RNF214: variants seen among roughly 807,000 people sequenced by gnomAD.
RNF214 encodes the protein ring finger protein 214.
A neutral mutation model predicts 75.9 loss-of-function variants in RNF214; 25 were observed. The ratio of observed to expected loss-of-function variants is 0.33; its 90% CI spans 0.24 to 0.46. The LOEUF is 0.46. Among genes scored for constraint, RNF214 ranks in the 20% least tolerant of loss-of-function variants. The probability of loss-of-function intolerance (pLI) is 1.00; values close to 1 mark genes in which losing one functional copy is unlikely to be tolerated. For missense variants in RNF214, 725 were observed against 857.5 expected (o/e 0.85, Z 1.93); for synonymous variants, 314 against 308.8 (o/e 1.02, Z -0.18).
intron 8 of RNF214, among the ~76,000 whole-genome samples, chr11:117,281,067 T>G (rs1474728575): frequency 6.8e-6 from 1 of 146,482 alleles, no homozygotes; most frequent in Non-Finnish European, 1.5e-5. Context: ...CTCCATCTCC[T>G]GAGCACAAGC....
intron 6 of RNF214, among the ~76,000 whole-genome samples, chr11:117,270,610 G>C (rs982985213): frequency 1.3e-5 from 2 of 150,882 alleles, no homozygotes; most frequent in Non-Finnish European, 2.9e-5. Flanking sequence ...ACCACACCCG[G>C]CTAATTTTTG....
chr11:117,244,375 G>A (rs907516075), intron 4 of RNF214, 70 bp from the exon 5 acceptor site: 2 of 1,316,458 alleles, frequency 1.5e-6, no homozygotes, highest in Admixed American at 3.7e-5. Flanking sequence ...ACAATGCCTT[G>A]GACAGGCACT....
chr11:117,259,655 T>TA (rs1450103995), intron 6 of RNF214, among the ~76,000 whole-genome samples: 23 of 152,248 alleles, frequency 1.5e-4, no homozygotes, highest in African/African-American at 5.3e-4. Context: ...ATTGTGGTTT[T>TA]AATATCCCTA....
In RNF214 at chr11:117,280,207, C is replaced by G. The variant is rs1177542734; in HGVS notation, c.1093C>G (p.Leu365Val). ...AGAGAGCCGGAAAGAGTTACTGGTACTGAAACTAGAAGAAGCAGAAAAAGA... is the reference window on the plus strand; with the variant it reads ...AGAGAGCCGGAAAGAGTTACTGGTAGTGAAACTAGAAGAAGCAGAAAAAGA... The part of the protein sequence containing the change: ...SLESRKELLV[L>V]KLEEAEKEAE... The change falls in exon 8 of 15, where the codon CTG (leucine) becomes GTG (valine). Residue 365 changes from leucine (L) to valine (V), a missense_variant. By Grantham distance (32) the Leu-to-Val change is conservative. Transcript: ENST00000300650. 2 of 1,613,634 alleles carry G rather than the reference C, an allele frequency of 1.2e-6. No homozygotes were observed. The highest frequency in any genetic ancestry group is 1.7e-6 in the Non-Finnish European group (2 of 1,179,664).
intron 6 of RNF214, among the ~76,000 whole-genome samples, chr11:117,249,303 A>G (rs1462105568): frequency 6.6e-6 from 1 of 151,992 alleles, no homozygotes; most frequent in Non-Finnish European, 1.5e-5. Flanking sequence ...ATGTAACTCT[A>G]CTACCTTTTC....
intron 5 of RNF214, among the ~76,000 whole-genome samples, chr11:117,245,810 AC>A (rs1472165396): frequency 6.6e-6 from 1 of 152,220 alleles, no homozygotes; most frequent in African/African-American, 2.4e-5. Context: ...AATAACAACA[AC>A]AACAACAACA....
intron 6 of RNF214, among the ~76,000 whole-genome samples, chr11:117,264,507 T>G (rs143622843): frequency 2.0e-5 from 3 of 152,130 alleles, no homozygotes; most frequent in African/African-American, 7.2e-5. Flanking sequence ...ACACCTACTA[T>G]GTACCCACAA....
intron 6 of RNF214, among the ~76,000 whole-genome samples, chr11:117,264,183 C>T (rs962694809): frequency 9.9e-5 from 15 of 152,110 alleles, no homozygotes; most frequent in Non-Finnish European, 1.9e-4. Flanking sequence ...ATTAGCCGGT[C>T]GTGGTGGCGG....
intron 6 of RNF214, among the ~76,000 whole-genome samples, chr11:117,255,038 A>G (rs1160965759): frequency 6.6e-6 from 1 of 152,040 alleles, no homozygotes; most frequent in Non-Finnish European, 1.5e-5. Flanking sequence ...GGATCCTCAG[A>G]TGTATTTTTA....
At chr11:117,283,400 G>A (rs940766320) in intron 14 of RNF214, among the ~76,000 whole-genome samples, 190 bp downstream of exon 14, 2 of 151,166 alleles carry the variant, frequency 1.3e-5, no homozygotes, top group East Asian at 1.9e-4. Flanking sequence ...TCGCTCTGTT[G>A]CCCAGGCTGG....
chr11:117,263,197 T>C (rs943198149), intron 6 of RNF214, among the ~76,000 whole-genome samples: 3 of 152,114 alleles, frequency 2.0e-5, no homozygotes, highest in Non-Finnish European at 2.9e-5. Flanking sequence ...TGATTGTTAT[T>C]ATAGGGGAGG....
intron 6 of RNF214, among the ~76,000 whole-genome samples, chr11:117,257,601 T>C (rs919022524): frequency 6.6e-6 from 1 of 152,100 alleles, no homozygotes; most frequent in Non-Finnish European, 1.5e-5. Context: ...ATAGAGACGA[T>C]AGTTACAATG....
At chr11:117,278,476 AT>A (rs1316718763) in intron 6 of RNF214, among the ~76,000 whole-genome samples, 2 of 152,212 alleles carry the variant, frequency 1.3e-5, no homozygotes, top group Non-Finnish European at 2.9e-5. Context: ...ATATAAGGAA[AT>A]TCCTTTGCTG....
intron 6 of RNF214, among the ~76,000 whole-genome samples, chr11:117,266,557 G>A (rs935883495): frequency 6.6e-6 from 1 of 152,004 alleles, no homozygotes; most frequent in Admixed American, 6.6e-5. Flanking sequence ...ACAGGGGTTT[G>A]CCATGTCGCC....
intron 2 of RNF214, among the ~76,000 whole-genome samples, chr11:117,234,872 G>A (rs1325106079): frequency 6.6e-6 from 1 of 152,152 alleles, no homozygotes; most frequent in African/African-American, 2.4e-5. Context: ...GACCCCTACT[G>A]AGGATACCAA....
At chr11:117,251,246 GACCCC>G (rs1565334976) in intron 6 of RNF214, among the ~76,000 whole-genome samples, 2 of 21,626 alleles carry the variant, frequency 9.2e-5, no homozygotes, top group African/African-American at 1.4e-4. Flanking sequence ...GCGGGGGGCT[GACCCC>G]GCTGACCCCC....
At chr11:117,237,495 A>G (rs569566799) in intron 2 of RNF214, among the ~76,000 whole-genome samples, 1 of 152,328 alleles carries the variant, frequency 6.6e-6, no homozygotes, top group Non-Finnish European at 1.5e-5. Flanking sequence ...TTATAGAATT[A>G]GTTTAAAAAA....
At chr11:117,265,303 G>A (rs1188924779) in intron 6 of RNF214, among the ~76,000 whole-genome samples, 1 of 152,126 alleles carries the variant, frequency 6.6e-6, no homozygotes, top group Non-Finnish European at 1.5e-5. Context: ...CATAAAAAAA[G>A]ACTACGTGCC....
At chr11:117,262,339 G>A (rs1033002480) in intron 6 of RNF214, among the ~76,000 whole-genome samples, 14 of 151,546 alleles carry the variant, frequency 9.2e-5, no homozygotes, top group Non-Finnish European at 1.5e-4. Flanking sequence ...TGCCTGCCTC[G>A]GCCTCCCGAA....
Sources: allele counts gnomAD v4.1 joint callset (sites outside exome capture counted in the v4.1 genomes callset), GRCh38; gene constraint gnomAD v4.1.1; transcripts MANE v1.5; gene names NCBI Gene and HGNC (gene_info 2026-07-23, HGNC 2026-07-21).